Variants in PROM1 observed in about 807,000 individuals in gnomAD.
PROM1 encodes the protein prominin 1, also known as prominin-1.
In PROM1, 105 loss-of-function variants were observed where a neutral mutation model predicts 116.9. That is an observed-to-expected ratio of 0.90 (90% CI 0.77 to 1.06). The LOEUF (loss-of-function observed/expected upper bound fraction) is 1.06. Ranked by LOEUF, PROM1 falls within the 50% of genes least tolerant of loss-of-function variation. The pLI is 0.00. For synonymous variants in PROM1, 393 were observed against 387.0 expected (o/e 1.02, Z -0.18); for missense variants, 1,122 against 1,045.2 (o/e 1.07, Z -1.01).
chr4:16,005,688 C>T (rs554173152), intron 13 of PROM1, among the ~76,000 whole-genome samples: 7 of 152,318 alleles, frequency 4.6e-5, no homozygotes, highest in Non-Finnish European at 1.0e-4. Context: ...TTTGGTTCTT[C>T]ACTCCCCAAA....
intron 9 of PROM1, 33 bp from the exon 10 acceptor site, chr4:16,016,273 G>A (rs1333880509): frequency 6.7e-7 from 1 of 1,498,344 alleles, no homozygotes; most frequent in Non-Finnish European, 9.1e-7. Context: ...ATAAGACAAG[G>A]TTGTTACCTT....
rs554537023 is a variant in PROM1, at chr4:16,055,688, C to T, written c.221-16687G>A. On this transcript the variant is annotated intron_variant, in intron 2 of 27. Transcript: ENST00000447510. The stretch of plus-strand genomic sequence containing the variant: ...CTTAGAAAGGAAACAGATGTGAAAA[C>T]GGTCAACCTTGACGGTAATGAGAAA... 5.9e-5 allele frequency among the ~76,000 whole-genome samples: 9 copies of T among 152,228 alleles called. No individual in the cohort carries two copies. In the East Asian group the frequency reaches 1.4e-3, roughly 23 times the overall value.
At chr4:16,035,695 C>T in intron 4 of PROM1, 40 bp downstream of exon 4, 1 of 1,578,068 alleles carries the variant, frequency 6.3e-7, no homozygotes, top group Non-Finnish European at 8.7e-7. Context: ...AACAGAAAGG[C>T]TTTCCAAGAG....
At position 15,992,229 on chromosome 4, in the gene PROM1, A is replaced by G. The variant is rs770986992; in HGVS notation, c.1911+19T>C. On this transcript the variant is annotated intron_variant, in intron 17 of 27. Transcript: ENST00000447510. The stretch of plus-strand genomic sequence containing the variant: ...TTTAATTTCTCCTAAAGGATCAAGC[A>G]TGAACACATGCGCCATACCTGAGCC... The G allele has an allele frequency of 6.2e-7, 1 of 1,612,782 alleles. No individual in the cohort carries two copies. The highest frequency in any genetic ancestry group is 8.5e-7 in the Non-Finnish European group (1 of 1,179,630).
intron 23 of PROM1, among the ~76,000 whole-genome samples, chr4:15,983,832 G>A (rs1467568882): frequency 1.3e-5 from 2 of 152,150 alleles, no homozygotes; most frequent in African/African-American, 4.8e-5. Context: ...GTTGAGGAGG[G>A]AACAGAGCTG....
intron 27 of PROM1, 38 bp downstream of exon 27, chr4:15,971,005 G>A: frequency 6.7e-7 from 1 of 1,494,650 alleles, no homozygotes; most frequent in South Asian, 1.2e-5. Context: ...AAAAACTATA[G>A]TCCTGTAGAT....
At chr4:16,048,725 G>C (rs1224574132) in intron 2 of PROM1, among the ~76,000 whole-genome samples, 1 of 152,120 alleles carries the variant, frequency 6.6e-6, no homozygotes, top group Admixed American at 6.5e-5. Context: ...AACTCACTCT[G>C]CAAGTAAGGA....
intron 15 of PROM1, 76 bp from the exon 16 acceptor site, chr4:15,994,147 G>A (rs1181259974): frequency 6.3e-7 from 1 of 1,596,226 alleles, no homozygotes; most frequent in Non-Finnish European, 8.5e-7. Flanking sequence ...AAGATGAGGA[G>A]AAAGGCTCAC....
At position 15,971,154 on chromosome 4, in the gene PROM1, A is replaced by G. The variant is rs974916265; in HGVS notation, c.2583-72T>C. 20 of 1,313,176 alleles carry G rather than the reference A, an allele frequency of 1.5e-5. No homozygotes were observed. In the African/African-American group the frequency reaches 2.9e-4, roughly 19 times the overall value. The allele number at this position is 1,313,176 out of a possible 1,614,324, so 81.3% of individuals were successfully genotyped here. A position where few individuals can be genotyped will look rare whatever the true frequency, so the allele number is the denominator to read the frequency against. On this transcript the variant is annotated intron_variant, in intron 26 of 27. Coordinates refer to ENST00000447510, the MANE Select transcript of PROM1 (RefSeq NM_006017.3). Reference sequence around the variant, plus strand: ...TGGGTGGTTTCATCACCTCTGTGCTAAGAAGCAGGCATGTGACTAAAGGTA... The same window carrying G: ...TGGGTGGTTTCATCACCTCTGTGCTGAGAAGCAGGCATGTGACTAAAGGTA...
chr4:16,039,670 G>A (rs1398593695), intron 2 of PROM1, among the ~76,000 whole-genome samples: 4 of 151,362 alleles, frequency 2.6e-5, no homozygotes, highest in African/African-American at 9.7e-5. Flanking sequence ...CCCGGGAGGT[G>A]GAGGTTGCAG....
intron 8 of PROM1, among the ~76,000 whole-genome samples, chr4:16,019,821 C>T (rs1729354414): frequency 6.6e-6 from 1 of 151,990 alleles, no homozygotes; most frequent in Non-Finnish European, 1.5e-5. Context: ...AACTGGCTTC[C>T]CCACCCTTTC....
intron 27 of PROM1, among the ~76,000 whole-genome samples, chr4:15,969,610 G>A (rs1188992459): frequency 6.6e-6 from 1 of 151,938 alleles, no homozygotes; most frequent in African/African-American, 2.4e-5. Context: ...TTTTTGAGAG[G>A]GAGTCTCACT....
At chr4:16,017,607 G>A (rs1264145581) in intron 9 of PROM1, among the ~76,000 whole-genome samples, 1 of 152,202 alleles carries the variant, frequency 6.6e-6, no homozygotes, top group Non-Finnish European at 1.5e-5. Context: ...GATCACTTGA[G>A]GTCAGGAGTT....
In PROM1 at chr4:15,968,241, C is replaced by G. The variant is rs1713547143; in HGVS notation, c.*1152G>C. On this transcript the variant is annotated 3_prime_UTR_variant, in exon 28 of 28. Coordinates refer to ENST00000447510, the MANE Select transcript of PROM1 (RefSeq NM_006017.3). ...ACATACAGACCATGTTTTCCAAGTT[C>G]CTTTTTATTCAAATGAATCAGAACT... is the stretch of plus-strand genomic sequence containing the variant. 1 of 152,140 alleles carries G rather than the reference C, an allele frequency of 6.6e-6. No individual in the cohort carries two copies. The highest frequency in any genetic ancestry group is 6.5e-5 in the Admixed American group (1 of 15,280). The allele number at this position is 152,140 out of a possible 1,614,324, so 9.4% of individuals were successfully genotyped here.
At chr4:16,025,126 A>T in intron 6 of PROM1, 66 bp downstream of exon 6, 1 of 1,528,464 alleles carries the variant, frequency 6.5e-7, no homozygotes. Context: ...GATTCCAAAT[A>T]TACACAGGAA....
chr4:16,025,685 G>A (rs913612041), intron 5 of PROM1, among the ~76,000 whole-genome samples: 4 of 151,346 alleles, frequency 2.6e-5, no homozygotes, highest in African/African-American at 9.8e-5. Context: ...ACCCTCCTGT[G>A]TGAACATATG....
intron 2 of PROM1, among the ~76,000 whole-genome samples, chr4:16,068,430 C>T (rs1311617454): frequency 6.6e-6 from 1 of 152,146 alleles, no homozygotes; most frequent in East Asian, 1.9e-4. Context: ...TAATGAAGCT[C>T]CCTCCATTTC....
intron 14 of PROM1, among the ~76,000 whole-genome samples, chr4:15,998,847 T>G (rs1722969850): frequency 6.6e-6 from 1 of 151,986 alleles, no homozygotes; most frequent in South Asian, 2.1e-4. Flanking sequence ...TCCCGAGTAG[T>G]TAGGACTACA....
At chr4:15,987,592 C>A in intron 20 of PROM1, 71 bp downstream of exon 20, 2 of 1,472,376 alleles carry the variant, frequency 1.4e-6, no homozygotes, top group Non-Finnish European at 1.9e-6. Flanking sequence ...TACAAAAATC[C>A]ACATTTCTAG....
Sources: allele counts gnomAD v4.1 joint callset (sites outside exome capture counted in the v4.1 genomes callset), GRCh38; gene constraint gnomAD v4.1.1; transcripts MANE v1.5; gene names NCBI Gene and HGNC (gene_info 2026-07-23, HGNC 2026-07-21).